The following RIPOR1 variants were observed in gnomAD, a reference collection of about 807,000 sequenced individuals.
The protein encoded by RIPOR1 is RHO family interacting cell polarization regulator 1, also known as rho family-interacting cell polarization regulator 1.
A neutral mutation model predicts 116.5 loss-of-function variants in RIPOR1; 58 were observed. The observed-to-expected ratio is 0.50, with a 90% CI of 0.40 to 0.62. The LOEUF (loss-of-function observed/expected upper bound fraction) is 0.62, where lower values mean the gene tolerates loss of function less well. Ranked by LOEUF, RIPOR1 falls within the 20% of genes least tolerant of loss-of-function variation. RIPOR1 has a pLI of 0.00. For missense variants in RIPOR1, 1,372 were observed against 1,586.2 expected, an observed-to-expected ratio of 0.86 and a Z score of 2.29; for synonymous variants, 605 against 650.0, an observed-to-expected ratio of 0.93 and a Z score of 1.05.
chr16:67,523,382 C>T (rs1194845763), intron 1 of RIPOR1, among the ~76,000 whole-genome samples: 4 of 151,516 alleles, frequency 2.6e-5, no homozygotes, highest in Admixed American at 6.6e-5. Flanking sequence ...AAAAATTAGC[C>T]GGGCATGGTG....
Position 67,545,018 on chromosome 16 carries a change from C to T in RIPOR1, c.2932C>T (p.Leu978Phe). 1 of 1,613,728 alleles carries T rather than the reference C, an allele frequency of 6.2e-7. No individual in the cohort carries two copies. The highest frequency in any genetic ancestry group is 1.3e-5 in the African/African-American group (1 of 75,070). ...LTFWDQCTER[L>F]SCFLCPVERV... ...CTTCTGGGACCAGTGCACAGAGAGA[C>T]TCAGCTGCTTCCTCTGCCCGGTGGA... The change falls in exon 17 of 22, where the codon CTC (leucine) becomes TTC (phenylalanine). Residue 978 changes from leucine to phenylalanine, a missense_variant. Coordinates refer to ENST00000042381, the MANE Select transcript of RIPOR1 (RefSeq NM_024519.4). This position sits in a 1 kb window ranked among gnomAD's most constrained non-coding sequence, Gnocchi z 4.8.
At chr16:67,523,418 C>A (rs570743527) in intron 1 of RIPOR1, among the ~76,000 whole-genome samples, 1 of 144,142 alleles carries the variant, frequency 6.9e-6, no homozygotes, top group Non-Finnish European at 1.5e-5. Context: ...CCCAGCTACT[C>A]GGGAGGCTGA....
Position 67,545,081 on chromosome 16 carries a change from C to G in RIPOR1, c.2995C>G (p.Arg999Gly), listed in dbSNP as rs751909274. Reference sequence around the variant, plus strand: ...CACCTTCTGCAACCAGTATGGTGCCCGCCTCTCCCTGCGCCAGCCAGGCTT... The same window carrying G: ...CACCTTCTGCAACCAGTATGGTGCCGGCCTCTCCCTGCGCCAGCCAGGCTT... ...LLTFCNQYGA[R>G]LSLRQPGLAE... The change falls in exon 17 of 22, where the codon CGC becomes GGC. Residue 999 changes from arginine (R) to glycine (G), a missense_variant. Transcript: ENST00000042381. The surrounding 1 kb of genome is among the most constrained non-coding windows in gnomAD (Gnocchi z 4.8). The G allele has an allele frequency of 6.2e-7, 1 of 1,613,242 alleles. No individual in the cohort carries two copies.
At chr16:67,523,549 A>AC (rs2050514269) in intron 1 of RIPOR1, among the ~76,000 whole-genome samples, 1 of 145,364 alleles carries the variant, frequency 6.9e-6, no homozygotes, top group South Asian at 2.2e-4. Flanking sequence ...AAAAAAAAAA[A>AC]CAGTAGTCAA....
At chr16:67,525,405 A>G (rs2050531183), upstream of RIPOR1, among the ~76,000 whole-genome samples, 1 of 152,114 alleles carries the variant, frequency 6.6e-6, no homozygotes, top group Non-Finnish European at 1.5e-5. Context: ...CAAATGAATG[A>G]ATGATGTGGC....
In RIPOR1 at chr16:67,538,411, C is replaced by G. The variant is rs1449818391; in HGVS notation, c.-23-13C>G. On this transcript the variant is annotated splice_polypyrimidine_tract_variant and intron_variant, in intron 1 of 21. Transcript: ENST00000042381. ...ATCCGACTGGTACTGGACACCCCCC[C>G]GATCACCCGCAGGGAGCCCCGCGCG... is the stretch of plus-strand genomic sequence containing the variant. The G allele has an allele frequency of 1.3e-6, 2 of 1,560,776 alleles. No individual in the cohort carries two copies. Among genetic ancestry groups the G allele is most frequent in the Non-Finnish European group, 1.7e-6 (2 of 1,152,354 alleles).
Position 67,544,595 on chromosome 16 carries a change from A to G in RIPOR1, c.2734-100A>G. The G allele has an allele frequency of 1.9e-6, 3 of 1,571,858 alleles. No homozygotes were observed. Among genetic ancestry groups the G allele is most frequent in the Non-Finnish European group, 1.7e-6 (2 of 1,158,062 alleles). ...GAATGGAGTATCTCCCAACTCTGCA[A>G]CCCCAACCTCCCCCAGTGCATGCTG... On this transcript the variant is annotated intron_variant, in intron 15 of 21. Coordinates refer to ENST00000042381, the MANE Select transcript of RIPOR1 (RefSeq NM_024519.4). This position sits in a 1 kb window ranked among gnomAD's most constrained non-coding sequence, Gnocchi z 5.1.
At position 67,544,701 on chromosome 16, in the gene RIPOR1, G is replaced by A. The variant is rs1360090412; in HGVS notation, c.2740G>A (p.Gly914Ser). 1.9e-6 allele frequency: 3 copies of A among 1,613,080 alleles called. No homozygotes were observed. The highest frequency in any genetic ancestry group is 1.7e-4 in the Middle Eastern group (1 of 5,992). ...GGCCACCCATGTTCTCCAGAAACTG[G>A]GCACATTTGGGCCCCTGCGCTGCCA... ...YHCSRLLLKL[G>S]TFGPLRCQEA... Residue 914 changes from glycine (G) to serine (S), a missense_variant, in exon 16 of 22, where the codon GGC becomes AGC. Transcript: ENST00000042381. The surrounding 1 kb of genome is among the most constrained non-coding windows in gnomAD (Gnocchi z 5.1).
chr16:67,526,710 T>C (rs7196853), upstream of RIPOR1, among the ~76,000 whole-genome samples: 32,770 of 152,144 alleles, frequency 0.22, 5,941 homozygotes, highest in African/African-American at 0.5. Context: ...GCACACATGG[T>C]GTGCACACTG....
rs1252626485 is a variant in RIPOR1, at chr16:67,545,143, C to T, written c.3031+26C>T. 1 of 1,605,728 alleles carries T rather than the reference C, an allele frequency of 6.2e-7. No individual in the cohort carries two copies. Among genetic ancestry groups the T allele is most frequent in the Non-Finnish European group, 8.5e-7 (1 of 1,177,414 alleles). On this transcript the variant is annotated intron_variant, in intron 17 of 21. Transcript: ENST00000042381. This position sits in a 1 kb window ranked among gnomAD's most constrained non-coding sequence, Gnocchi z 4.8. ...GTGAGTGGGCTGCTTCCTCCTTCCA[C>T]CCTTGCTCAGATTCCCAGTGACAGG...
Position 67,537,714 on chromosome 16 carries a change from T to A in RIPOR1, c.-23-710T>A. ...GCGGGGTGGGGGTCTGCCGAGGAGC[T>A]CTCCCCGCCGATGCCGGGGTGGAGG... On this transcript the variant is annotated intron_variant, in intron 1 of 21. Coordinates refer to ENST00000042381, the MANE Select transcript of RIPOR1 (RefSeq NM_024519.4). This position sits in a 1 kb window ranked among gnomAD's most constrained non-coding sequence, Gnocchi z 4.6. The A allele has an allele frequency of 1.6e-6, 1 of 628,480 alleles. No individual in the cohort carries two copies. The highest frequency in any genetic ancestry group is 2.3e-6 in the Non-Finnish European group (1 of 433,184). The allele number at this position is 628,480 out of a possible 1,614,324, so 38.9% of individuals were successfully genotyped here. A position where few individuals can be genotyped will look rare whatever the true frequency, so the allele number is the denominator to read the frequency against.
intron 1 of RIPOR1, among the ~76,000 whole-genome samples, chr16:67,534,801 G>A (rs1257168517): frequency 6.6e-6 from 1 of 151,014 alleles, no homozygotes; most frequent in African/African-American, 2.4e-5. Context: ...TTCATTGACA[G>A]GCATCTGGAC....
Position 67,542,921 on chromosome 16 carries a change from A to G in RIPOR1, c.2135A>G (p.Asn712Ser), listed in dbSNP as rs1047700393. Reference sequence around the variant, plus strand: ...CTTCCCTGTAGTCCCCCAGTCTCCAATTCCTACACTCAGGCAGACCCTATG... The same window carrying G: ...CTTCCCTGTAGTCCCCCAGTCTCCAGTTCCTACACTCAGGCAGACCCTATG... ...DSLPCSPPVS[N>S]SYTQADPMAP... Residue 712 changes from asparagine (N) to serine (S), a missense_variant, in exon 13 of 22, where the codon AAT (asparagine) becomes AGT (serine). Physicochemically the swap from Asn to Ser is conservative, Grantham distance 46. Around this residue, in one of 3 missense-constraint regions of RIPOR1, gnomAD observed 1,005 missense variants for 1,144.7 expected, o/e 0.88. Coordinates refer to ENST00000042381, the MANE Select transcript of RIPOR1 (RefSeq NM_024519.4). This position sits in a 1 kb window ranked among gnomAD's most constrained non-coding sequence, Gnocchi z 4.6. The G allele has an allele frequency of 6.2e-7, 1 of 1,603,942 alleles. No individual in the cohort carries two copies.
At position 67,543,145 on chromosome 16, in the gene RIPOR1, G is replaced by A. The variant is rs1027466391; in HGVS notation, c.2359G>A (p.Asp787Asn). 16 of 1,532,592 alleles carry A rather than the reference G, an allele frequency of 1.0e-5. No homozygotes were observed. In the African/African-American group the frequency reaches 2.1e-4, roughly 20 times the overall value. The allele number at this position is 1,532,592 out of a possible 1,614,324, so 94.9% of individuals were successfully genotyped here. Residue 787 changes from aspartate to asparagine, a missense_variant, in exon 13 of 22, where the codon GAC becomes AAC. Physicochemically the swap from Asp to Asn is conservative, Grantham distance 23. This residue lies in a region of RIPOR1 where 1,005 missense variants were observed against 1,144.7 expected (regional missense o/e 0.88). Transcript: ENST00000042381. This position sits in a 1 kb window ranked among gnomAD's most constrained non-coding sequence, Gnocchi z 4.7. ...CCCAACGGCAGCCGGAGGGTCTGGG[G>A]ACAGGAGCCTGGAGGAGGCACTGGG... ...PVPTAAGGSG[D>N]RSLEEALGAL...
Position 67,542,645 on chromosome 16 carries a change from C to T in RIPOR1, c.1859C>T (p.Thr620Ile), listed in dbSNP as rs758138932. 9.3e-6 allele frequency: 15 copies of T among 1,613,446 alleles called. No homozygotes were observed. The South Asian group carries it at 1.5e-4, about 17-fold the overall frequency. ...ACAGCAAGCCCCACTCATACTTCCA[C>T]AAGCCCCACCCATACCCCCACAAGT... Reference protein sequence around the residue: ...HTTASPTHTSTSPTHTPTSPT... With the variant: ...HTTASPTHTSISPTHTPTSPT... The change falls in exon 13 of 22, where the codon ACA becomes ATA. Residue 620 changes from threonine (T) to isoleucine (I), a missense_variant. Around this residue, in one of 3 missense-constraint regions of RIPOR1, gnomAD observed 1,005 missense variants for 1,144.7 expected, o/e 0.88. Transcript: ENST00000042381. The surrounding 1 kb of genome is among the most constrained non-coding windows in gnomAD (Gnocchi z 4.6).
In RIPOR1 at chr16:67,542,208, C is replaced by T. The variant is rs12919883; in HGVS notation, c.1422C>T (p.Ala474=). 137 of 1,613,640 alleles carry T rather than the reference C, an allele frequency of 8.5e-5. No homozygotes were observed. The highest frequency in any genetic ancestry group is 1.1e-4 in the Non-Finnish European group (129 of 1,179,798). ...AGGCCGTTGGCCCAGAAAGCCTAGC[C>T]TGGGGACCTAGCCCACCTACACACC... ...SVEAVGPESL[A]WGPSPPTHPA... The change falls in exon 13 of 22, where the codon GCC becomes GCT. Residue 474 remains alanine, a synonymous_variant. Coordinates refer to ENST00000042381, the MANE Select transcript of RIPOR1 (RefSeq NM_024519.4). This position sits in a 1 kb window ranked among gnomAD's most constrained non-coding sequence, Gnocchi z 4.6.
chr16:67,522,155 G>GT (rs1019584262), intron 1 of RIPOR1, among the ~76,000 whole-genome samples: 3 of 145,216 alleles, frequency 2.1e-5, no homozygotes, highest in Admixed American at 6.9e-5. Flanking sequence ...AGCCTCCCGA[G>GT]TAGCTGAGAC....
chr16:67,538,528 G>T lies in RIPOR1; in HGVS notation c.82G>T (p.Gly28Cys), dbSNP rs754767058. 6.2e-7 allele frequency: 1 copy of T among 1,612,188 alleles called. No individual in the cohort carries two copies. The highest frequency in any genetic ancestry group is 1.3e-5 in the African/African-American group (1 of 75,038). Residue 28 changes from glycine to cysteine, a missense_variant, in exon 2 of 22, where the codon GGC becomes TGC. Physicochemically the swap from Gly to Cys is radical, Grantham distance 159. Around this residue, in one of 3 missense-constraint regions of RIPOR1, gnomAD observed 165 missense variants for 145.5 expected, o/e 1.13. Transcript: ENST00000042381. ...NRSQSFAGVL[G>C]SHERGPRSFP... ...GAGCCAGTCCTTCGCAGGCGTCCTC[G>T]GCAGCCACGAGCGGGGGCCCAGGTA...
chr16:67,530,171 G>C lies in RIPOR1; in HGVS notation c.-24+1257G>C, dbSNP rs1019112522. ...GGCTGGGTCCCGCTTGAGAGAAGCG[G>C]GCGGGGAGGGCGCGGGTGAGTCACG... On this transcript the variant is annotated intron_variant, in intron 1 of 21. Coordinates refer to ENST00000042381, the MANE Select transcript of RIPOR1 (RefSeq NM_024519.4). This position sits in a 1 kb window ranked among gnomAD's most constrained non-coding sequence, Gnocchi z 4.5. 3 of 372,936 alleles carry C rather than the reference G, an allele frequency of 8.0e-6. No individual in the cohort carries two copies. The highest frequency in any genetic ancestry group is 4.2e-5 in the African/African-American group (2 of 47,230). 23.1% of individuals were successfully genotyped at this position (372,936 alleles called of 1,614,324 possible).
Sources: gnomAD v4.1 joint callset for allele counts (sites outside exome capture counted in the v4.1 genomes callset) on GRCh38, gnomAD v4.1.1 for gene constraint, gnomAD v4.1.1 regional missense constraint, Gnocchi (gnomAD v3.1) non-coding constraint, MANE v1.5 for transcripts, NCBI Gene and HGNC (gene_info 2026-07-23, HGNC 2026-07-21) for gene names.